The following WDR26 variants were observed in gnomAD, a reference collection of about 807,000 sequenced individuals.
The protein encoded by WDR26 is WD repeat-containing protein 26.
A neutral mutation model predicts 84.1 loss-of-function variants in WDR26; 5 were observed. That is an observed-to-expected ratio of 0.06 (90% CI 0.03 to 0.13). The LOEUF (loss-of-function observed/expected upper bound fraction) is 0.13, where lower values mean the gene tolerates loss of function less well. Ranked by LOEUF, WDR26 falls within the 10% of genes least tolerant of loss-of-function variation. The pLI is 1.00. For synonymous variants in WDR26, 415 were observed against 389.6 expected (o/e 1.07, Z -0.77); for missense variants, 642 against 974.9 (o/e 0.66, Z 4.55).
Position 224,434,291 on chromosome 1 carries a change from C to G in WDR26, c.115G>C (p.Val39Leu). ...CCTGCCGAAGCCCCGGGCTCTCCTA[C>G]TCCCTCCGCCGCCGAGGCTCGGGGT... Residue 39 changes from valine to leucine, a missense_variant, in exon 1 of 14, where the codon GTA becomes CTA. Val to Leu is a conservative substitution (Grantham distance 32). Around this residue, in one of 2 missense-constraint regions of WDR26, gnomAD observed 291 missense variants for 302.1 expected, o/e 0.96. Coordinates refer to ENST00000414423, the MANE Select transcript of WDR26 (RefSeq NM_001379403.1). 1 of 1,240,012 alleles carries G rather than the reference C, an allele frequency of 8.1e-7. No homozygotes were observed. Among genetic ancestry groups the G allele is most frequent in the Non-Finnish European group, 1.0e-6 (1 of 992,496 alleles). The allele number at this position is 1,240,012 out of a possible 1,614,324, so 76.8% of individuals were successfully genotyped here.
intron 13 of WDR26, among the ~76,000 whole-genome samples, chr1:224,393,254 T>TA: frequency 6.6e-6 from 1 of 152,306 alleles, no homozygotes; most frequent in Non-Finnish European, 1.5e-5. Flanking sequence ...ACTTCCCTTA[T>TA]AGGACTATGA....
chr1:224,430,236 C>T (rs965461393), intron 3 of WDR26: 5 of 151,940 alleles, frequency 3.3e-5, no homozygotes, highest in African/African-American at 1.2e-4. Context: ...ACTATTTTAA[C>T]TTCTGTTTTT....
At position 224,434,619 on chromosome 1, in the gene WDR26, C is replaced by A; in HGVS notation, c.-214G>T. On this transcript the variant is annotated 5_prime_UTR_variant, in exon 1 of 14. Transcript: ENST00000414423. The stretch of plus-strand genomic sequence containing the variant: ...CTCGGGGTGCGCGGCCCGGGGGTCG[C>A]GCCGGGGGGCGCCGCGGGGCGGCTG... 1.8e-6 allele frequency: 1 copy of A among 543,090 alleles called. No individual in the cohort carries two copies. Among genetic ancestry groups the A allele is most frequent in the Non-Finnish European group, 2.3e-6 (1 of 432,842 alleles). 33.6% of individuals were successfully genotyped at this position (543,090 alleles called of 1,614,324 possible).
intron 6 of WDR26, among the ~76,000 whole-genome samples, chr1:224,416,231 CT>C (rs900427423): frequency 1.5e-3 from 223 of 145,406 alleles, no homozygotes; most frequent in Middle Eastern, 3.6e-3. Context: ...TTTTTTCTTT[CT>C]TTTTTTTTTT....
chr1:224,415,453 C>CTTTTTTT lies in WDR26; in HGVS notation c.1319+2800_1319+2806dup, dbSNP rs149995544. Among the ~76,000 whole-genome samples the CTTTTTTT allele has an allele frequency of 3.5e-3, 292 of 82,282 alleles. 27 individuals are homozygous for CTTTTTTT. Among genetic ancestry groups the CTTTTTTT allele is most frequent in the African/African-American group, 0.013 (269 of 20,526 alleles). The allele number at this position is 82,282 out of a possible 152,430, so 54.0% of individuals were successfully genotyped here. A position where few individuals can be genotyped will look rare whatever the true frequency, so the allele number is the denominator to read the frequency against. ...ACAATTCTGGAACACGTATTTCTTTCTTTTTTTTTTTTTTTTTTTTTTTTT... is the reference window on the plus strand; with the variant it reads ...ACAATTCTGGAACACGTATTTCTTTCTTTTTTTTTTTTTTTTTTTTTTTTTTTTTTTT... On this transcript the variant is annotated intron_variant, in intron 6 of 13. Coordinates refer to ENST00000414423, the MANE Select transcript of WDR26 (RefSeq NM_001379403.1).
chr1:224,434,224 G>GAGA lies in WDR26; in HGVS notation c.181_182insTCT (p.Ser60_Ser61insPhe). On this transcript the variant is annotated inframe_insertion, in exon 1 of 14. Transcript: ENST00000414423. ...CACCACGGAGGAGGAGGAGGAGGAG[G>GAGA]AGGACGAGGACGACGAGGACGGAGG... is the stretch of plus-strand genomic sequence containing the variant. 1 of 1,393,828 alleles carries GAGA rather than the reference G, an allele frequency of 7.2e-7. No homozygotes were observed. Among genetic ancestry groups the GAGA allele is most frequent in the African/African-American group, 1.5e-5 (1 of 67,928 alleles). The allele number at this position is 1,393,828 out of a possible 1,614,324, so 86.3% of individuals were successfully genotyped here.
chr1:224,395,059 A>G (rs1673223476), intron 12 of WDR26, among the ~76,000 whole-genome samples: 1 of 152,306 alleles, frequency 6.6e-6, no homozygotes, highest in African/African-American at 2.4e-5. Flanking sequence ...CATAGTATAG[A>G]GAGTATTGGT....
chr1:224,397,237 C>T (rs1408181624), intron 12 of WDR26, among the ~76,000 whole-genome samples: 1 of 152,150 alleles, frequency 6.6e-6, no homozygotes, highest in Admixed American at 6.5e-5. Context: ...GCAGTACTCC[C>T]ATCTAGGCCT....
At chr1:224,400,512 A>G (rs139335681) in intron 9 of WDR26, among the ~76,000 whole-genome samples, 1 of 152,196 alleles carries the variant, frequency 6.6e-6, no homozygotes, top group African/African-American at 2.4e-5. Flanking sequence ...CTACGACGAC[A>G]GCAAAGTAGG....
Position 224,387,201 on chromosome 1 carries a change from A to C in WDR26, c.*2634T>G, listed in dbSNP as rs1466978918. ...TATCTTGTGGCTGGCTTCATAGTAT[A>C]AGACTCACTCTTAAGCCTACTATAG... On this transcript the variant is annotated 3_prime_UTR_variant, in exon 14 of 14. Coordinates refer to ENST00000414423, the MANE Select transcript of WDR26 (RefSeq NM_001379403.1). 1 of 152,592 alleles carries C rather than the reference A, an allele frequency of 6.6e-6. No individual in the cohort carries two copies. Among genetic ancestry groups the C allele is most frequent in the East Asian group, 1.9e-4 (1 of 5,202 alleles). The allele number at this position is 152,592 out of a possible 1,614,324, so 9.5% of individuals were successfully genotyped here.
chr1:224,402,396 T>G (rs2102895773), intron 8 of WDR26, among the ~76,000 whole-genome samples: 1 of 152,318 alleles, frequency 6.6e-6, no homozygotes, highest in South Asian at 2.1e-4. Flanking sequence ...ATTAACACAC[T>G]AAATTCTGAA....
intron 1 of WDR26, among the ~76,000 whole-genome samples, chr1:224,432,119 C>T (rs574566567): frequency 2.0e-5 from 3 of 152,144 alleles, no homozygotes; most frequent in Non-Finnish European, 2.9e-5. Context: ...CAACATACTA[C>T]GTTACATTTT....
chr1:224,428,619 C>T (rs193125234), intron 3 of WDR26, among the ~76,000 whole-genome samples: 59 of 152,102 alleles, frequency 3.9e-4, no homozygotes, highest in Non-Finnish European at 5.9e-4. Context: ...TGATTTGGCC[C>T]GGCACGGTGG....
In WDR26 at chr1:224,409,794, T is replaced by C. The variant is rs557815823; in HGVS notation, c.1458+1633A>G. Reference sequence around the variant, plus strand: ...ATAAGAATCTCTTGAACCTGGGAGGTAGAGGTTGCAGTGAGCCAAGATTGC... The same window carrying C: ...ATAAGAATCTCTTGAACCTGGGAGGCAGAGGTTGCAGTGAGCCAAGATTGC... On this transcript the variant is annotated intron_variant, in intron 7 of 13. Coordinates refer to ENST00000414423, the MANE Select transcript of WDR26 (RefSeq NM_001379403.1). Among the ~76,000 whole-genome samples, 3 of 151,090 alleles carry C rather than the reference T, an allele frequency of 2.0e-5. No individual in the cohort carries two copies. In the East Asian group the frequency reaches 5.9e-4, roughly 30 times the overall value.
intron 3 of WDR26, among the ~76,000 whole-genome samples, chr1:224,427,460 T>C (rs764933686): frequency 6.6e-6 from 1 of 152,094 alleles, no homozygotes; most frequent in Non-Finnish European, 1.5e-5. Context: ...TCTTTTTCTA[T>C]GGGGCAGAGG....
At position 224,431,674 on chromosome 1, in the gene WDR26, T is replaced by C; in HGVS notation, c.822+8A>G. On this transcript the variant is annotated splice_region_variant and intron_variant, in intron 2 of 13. Coordinates refer to ENST00000414423, the MANE Select transcript of WDR26 (RefSeq NM_001379403.1). ...AGCAGTCACACAGCTCTATATGCCC[T>C]ACTTTACCTTATCCCAGTCTCCTTC... The C allele has an allele frequency of 6.2e-7, 1 of 1,613,240 alleles. No homozygotes were observed. The highest frequency in any genetic ancestry group is 8.5e-7 in the Non-Finnish European group (1 of 1,179,280).
At chr1:224,411,704 CTT>C (rs376478237) in intron 6 of WDR26, 139 bp from the exon 7 acceptor site, 9,914 of 708,022 alleles carry the variant, frequency 0.014, no homozygotes, top group South Asian at 0.024. Flanking sequence ...ATTTGTAAAT[CTT>C]TTTTTTTTTT....
intron 8 of WDR26, among the ~76,000 whole-genome samples, chr1:224,401,312 T>TA (rs982424930): frequency 2.0e-5 from 3 of 152,064 alleles, no homozygotes; most frequent in Non-Finnish European, 4.4e-5. Flanking sequence ...TATGATGAGA[T>TA]AAACTTCAAT....
At chr1:224,403,116 G>A (rs1006134117) in intron 8 of WDR26, among the ~76,000 whole-genome samples, 3 of 151,762 alleles carry the variant, frequency 2.0e-5, no homozygotes. Context: ...CCAGGCTGGA[G>A]TGCAGTGGCA....
Sources: allele counts gnomAD v4.1 joint callset (sites outside exome capture counted in the v4.1 genomes callset), GRCh38; gene constraint gnomAD v4.1.1; regional missense constraint gnomAD v4.1.1; transcripts MANE v1.5; gene names NCBI Gene and HGNC (gene_info 2026-07-23, HGNC 2026-07-21).